Variants in C5orf34 observed in about 807,000 individuals in gnomAD.
C5orf34 encodes uncharacterized protein C5orf34.
C5orf34 carries 73 observed loss-of-function variants against 78.4 expected under a neutral mutation model. The ratio of observed to expected loss-of-function variants is 0.93; its 90% CI spans 0.77 to 1.13. The LOEUF is 1.13. Among genes scored for constraint, C5orf34 ranks in the 50% most tolerant of loss-of-function variants. C5orf34 has a pLI of 0.00. For synonymous variants in C5orf34, 251 were observed against 246.6 expected (o/e 1.02, Z -0.17); for missense variants, 730 against 732.7 (o/e 1.00, Z 0.04).
chr5:43,498,942 A>T (rs1034537704), intron 6 of C5orf34, among the ~76,000 whole-genome samples: 1 of 152,122 alleles, frequency 6.6e-6, no homozygotes, highest in African/African-American at 2.4e-5. Context: ...ACTTCCTTCA[A>T]CACTCCACAC....
intron 6 of C5orf34, chr5:43,495,532 G>A: frequency 6.2e-7 from 1 of 1,610,250 alleles, no homozygotes; most frequent in Non-Finnish European, 8.5e-7. Flanking sequence ...TGACATTGAA[G>A]CCCACATTGT....
chr5:43,495,725 G>T, intron 6 of C5orf34: 2 of 1,582,660 alleles, frequency 1.3e-6, no homozygotes, highest in Non-Finnish European at 8.7e-7. Context: ...CAGGCGCAAG[G>T]GCTTGTCAGT....
chr5:43,507,368 A>G (rs1258348272), intron 3 of C5orf34, among the ~76,000 whole-genome samples: 4 of 152,240 alleles, frequency 2.6e-5, no homozygotes, highest in Non-Finnish European at 4.4e-5. Flanking sequence ...TGCTATCTAT[A>G]TGTACGATGT....
At chr5:43,507,177 T>C (rs1271680366) in intron 3 of C5orf34, among the ~76,000 whole-genome samples, 1 of 152,200 alleles carries the variant, frequency 6.6e-6, no homozygotes, top group Non-Finnish European at 1.5e-5. Context: ...TTCTGACTAA[T>C]AAAAGACTCA....
At chr5:43,511,316 TCTGCCCGGCAGCCGCC>T (rs1372869570) in intron 1 of C5orf34, 3 of 157,900 alleles carry the variant, frequency 1.9e-5, no homozygotes, top group Non-Finnish European at 2.8e-5. Flanking sequence ...GAGGACCGTC[TCTGCCCGGCAGCCGCC>T]CCGTCCGGCA....
rs534148723 is a variant in C5orf34 at position 43,495,414 on chromosome 5, G to A, written c.1153-813C>T. On this transcript the variant is annotated intron_variant, in intron 6 of 12. Transcript: ENST00000306862. ...TAGCCAGCGCTTATTTGGCCTGGAT[G>A]GTTCAGGATAATTACCTGAGCAATG... 19 of 1,611,542 alleles carry A rather than the reference G, an allele frequency of 1.2e-5. No homozygotes were observed. In the African/African-American group the frequency reaches 2.3e-4, roughly 19 times the overall value.
At chr5:43,502,581 C>A (rs995035344) in intron 5 of C5orf34, 86 bp from the exon 6 acceptor site, 2 of 787,272 alleles carry the variant, frequency 2.5e-6, no homozygotes, top group African/African-American at 1.7e-5. Context: ...ACAGTAACAA[C>A]AAAATCTAAG....
chr5:43,504,465 ATTGTATAGGACTTAAC>A (rs775006635), intron 4 of C5orf34, among the ~76,000 whole-genome samples: 1 of 152,192 alleles, frequency 6.6e-6, no homozygotes, highest in Non-Finnish European at 1.5e-5. Flanking sequence ...ATGCTATGGA[ATTGTATAGGACTTAAC>A]TTGTTTAGGG....
chr5:43,496,582 AT>A (rs70994702), intron 6 of C5orf34: 70,941 of 409,126 alleles, frequency 0.17, 2,882 homozygotes, highest in African/African-American at 0.34. Flanking sequence ...GTTTTTTTTA[AT>A]TTTTTTTTTT....
intron 8 of C5orf34, among the ~76,000 whole-genome samples, 161 bp from the exon 9 acceptor site, chr5:43,493,051 T>A (rs1425973724): frequency 6.6e-6 from 1 of 152,086 alleles, no homozygotes; most frequent in African/African-American, 2.4e-5. Flanking sequence ...CCCAAAACAG[T>A]CTTTTTTTCA....
chr5:43,490,327 A>C (rs1745227878), intron 11 of C5orf34: 2 of 192,140 alleles, frequency 1.0e-5, no homozygotes, highest in South Asian at 3.3e-4. Flanking sequence ...TCCCCTTTAA[A>C]TTTTTCCATA....
Position 43,487,908 on chromosome 5 carries a change from C to G in C5orf34, c.1720+1G>C, listed in dbSNP as rs781642503. On this transcript the variant is annotated splice_donor_variant, in intron 12 of 12. Transcript: ENST00000306862. LOFTEE classifies it high-confidence loss of function. ...GACAGTGCATTCTGTTTAAAGGATA[C>G]AGTTAAACTTCTGTATCTTTTCAAG... 2 of 1,602,016 alleles carry G rather than the reference C, an allele frequency of 1.2e-6. No individual in the cohort carries two copies. The highest frequency in any genetic ancestry group is 1.7e-6 in the Non-Finnish European group (2 of 1,171,552).
At chr5:43,513,264 C>G (rs531494371) in intron 1 of C5orf34, among the ~76,000 whole-genome samples, 14 of 152,280 alleles carry the variant, frequency 9.2e-5, no homozygotes, top group Non-Finnish European at 2.1e-4. Flanking sequence ...TACCTGACCT[C>G]TCACAGAGCT....
intron 6 of C5orf34, among the ~76,000 whole-genome samples, chr5:43,501,260 A>G (rs754452817): frequency 2.0e-5 from 3 of 152,182 alleles, no homozygotes; most frequent in Non-Finnish European, 4.4e-5. Flanking sequence ...TGTCTGATGT[A>G]CTATATAAAC....
intron 11 of C5orf34, among the ~76,000 whole-genome samples, chr5:43,489,623 G>C (rs1323106424): frequency 1.3e-5 from 2 of 152,072 alleles, no homozygotes; most frequent in Non-Finnish European, 2.9e-5. Flanking sequence ...CAACTTTTCT[G>C]CTTCCAAACA....
At chr5:43,495,892 T>C in intron 6 of C5orf34, 5 of 1,593,334 alleles carry the variant, frequency 3.1e-6, no homozygotes, top group Non-Finnish European at 4.3e-6. Context: ...TTGGCACAAA[T>C]GCTACTGTGT....
chr5:43,502,309 G>A (rs956585963), intron 6 of C5orf34, 63 bp downstream of exon 6: 1 of 1,548,240 alleles, frequency 6.5e-7, no homozygotes, highest in South Asian at 1.2e-5. Flanking sequence ...ATATATATTT[G>A]GAATTATTTA....
chr5:43,494,712 T>C, intron 6 of C5orf34, 111 bp from the exon 7 acceptor site: 1 of 551,920 alleles, frequency 1.8e-6, no homozygotes. Flanking sequence ...CGAGTAGTTA[T>C]TTTAACAAAA....
In C5orf34 at chr5:43,508,618, G is replaced by A; in HGVS notation, c.244C>T (p.Pro82Ser). Residue 82 changes from proline to serine, a missense_variant, in exon 3 of 13, where the codon CCT (proline) becomes TCT (serine). Pro to Ser is a moderately conservative substitution (Grantham distance 74, BLOSUM62 -1). Coordinates refer to ENST00000306862, the MANE Select transcript of C5orf34 (RefSeq NM_198566.4). ...LDFRNSSATC[P>S]FLSETIIPSE... ...GGTATGATGGTTTCAGATAAAAAAG[G>A]GCAAGTAGCTGAAGAGTTTCGAAAA... 6.2e-7 allele frequency: 1 copy of A among 1,612,000 alleles called. No individual in the cohort carries two copies. The highest frequency in any genetic ancestry group is 8.5e-7 in the Non-Finnish European group (1 of 1,178,420).
Sources: allele counts gnomAD v4.1 joint callset (sites outside exome capture counted in the v4.1 genomes callset), GRCh38; gene constraint gnomAD v4.1.1; transcripts MANE v1.5; gene names NCBI Gene and HGNC (gene_info 2026-07-23, HGNC 2026-07-21).